DGKE: variants seen among roughly 807,000 people sequenced by gnomAD.
DGKE encodes DAG kinase epsilon.
A neutral mutation model predicts 70.0 loss-of-function variants in DGKE; 53 were observed. The ratio of observed to expected loss-of-function variants is 0.76; its 90% CI spans 0.61 to 0.95. The LOEUF (loss-of-function observed/expected upper bound fraction) is 0.95. Among genes scored for constraint, DGKE ranks in the 40% least tolerant of loss-of-function variants. The probability of loss-of-function intolerance (pLI) is 0.00; values close to 1 mark genes in which losing one functional copy is unlikely to be tolerated. For missense variants in DGKE, 655 were observed against 706.9 expected (o/e 0.93, Z 0.83); for synonymous variants, 291 against 257.0 (o/e 1.13, Z -1.27).
chr17:56,845,616 G>C (rs930920784), intron 3 of DGKE, 74 bp from the exon 4 acceptor site: 2 of 1,465,572 alleles, frequency 1.4e-6, no homozygotes, highest in Non-Finnish European at 1.8e-6. Context: ...TAGCACCATT[G>C]TTCTCAAGGC....
chr17:56,860,050 A>T (rs1201368475), intron 9 of DGKE, among the ~76,000 whole-genome samples: 1 of 152,210 alleles, frequency 6.6e-6, no homozygotes, highest in Non-Finnish European at 1.5e-5. Context: ...AGAGTAAAGC[A>T]TACAAGCATA....
chr17:56,854,253 T>C (rs1488737424), intron 7 of DGKE, among the ~76,000 whole-genome samples: 1 of 152,126 alleles, frequency 6.6e-6, no homozygotes, highest in East Asian at 1.9e-4. Flanking sequence ...CACAGCTTGG[T>C]GACTATAGTT....
At chr17:56,846,821 T>G (rs1407213119) in intron 4 of DGKE, among the ~76,000 whole-genome samples, 1 of 152,204 alleles carries the variant, frequency 6.6e-6, no homozygotes, top group East Asian at 1.9e-4. Context: ...TTTTTCTTGT[T>G]CTTTCCATTA....
chr17:56,858,653 T>G lies in DGKE; in HGVS notation c.1272T>G (p.Asn424Lys). The G allele has an allele frequency of 6.2e-7, 1 of 1,604,070 alleles. No individual in the cohort carries two copies. The highest frequency in any genetic ancestry group is 8.5e-7 in the Non-Finnish European group (1 of 1,176,272). The change falls in exon 9 of 12, where the codon AAT (asparagine) becomes AAG (lysine). Residue 424 changes from asparagine to lysine, a missense_variant. Physicochemically the swap from Asn to Lys is moderately conservative, Grantham distance 94 (BLOSUM62 0). Coordinates refer to ENST00000284061, the MANE Select transcript of DGKE (RefSeq NM_003647.3). Reference sequence around the variant, plus strand: ...TAGTGCAAGAATGTAAAGATTTGAATAAAAAAGTTGAGGTAAGCTATTAAC... The same window carrying G: ...TAGTGCAAGAATGTAAAGATTTGAAGAAAAAAGTTGAGGTAAGCTATTAAC... ...DCLVQECKDL[N>K]KKVELELDGE...
At chr17:56,857,491 A>T (rs1036823944) in intron 8 of DGKE, among the ~76,000 whole-genome samples, 1 of 152,204 alleles carries the variant, frequency 6.6e-6, no homozygotes, top group Non-Finnish European at 1.5e-5. Context: ...CCTAGCAATT[A>T]TATTCCTGGT....
In DGKE at chr17:56,862,264, T is replaced by C; in HGVS notation, c.1524+13T>C. On this transcript the variant is annotated intron_variant, in intron 11 of 11. Coordinates refer to ENST00000284061, the MANE Select transcript of DGKE (RefSeq NM_003647.3). ...ACATACAGTGAGGGTAGGTGAAATA[T>C]AGCTGTAACAGGCTAATTTGTCCCA... 4.4e-6 allele frequency: 7 copies of C among 1,602,586 alleles called. No homozygotes were observed. The highest frequency in any genetic ancestry group is 5.1e-6 in the Non-Finnish European group (6 of 1,169,874).
intron 6 of DGKE, 144 bp from the exon 7 acceptor site, chr17:56,849,037 G>C: frequency 8.8e-7 from 1 of 1,139,574 alleles, no homozygotes; most frequent in Non-Finnish European, 1.2e-6. Flanking sequence ...GTTACACTGA[G>C]TACTTATCCC....
chr17:56,849,098 A>G (rs890990679), intron 6 of DGKE, 83 bp from the exon 7 acceptor site: 1 of 1,397,068 alleles, frequency 7.2e-7, no homozygotes, highest in Non-Finnish European at 9.8e-7. Context: ...TGGTATTTTA[A>G]TAGAAAACCC....
intron 2 of DGKE, chr17:56,836,599 G>C (rs918505567): frequency 6.6e-6 from 1 of 152,102 alleles, no homozygotes; most frequent in East Asian, 1.9e-4. Context: ...TCATGCTTCT[G>C]ATCCTCCACC....
intron 7 of DGKE, among the ~76,000 whole-genome samples, chr17:56,852,000 C>G (rs1048885170): frequency 6.6e-6 from 1 of 151,868 alleles, no homozygotes; most frequent in African/African-American, 2.4e-5. Flanking sequence ...CCCAAGAGTT[C>G]AAGGCTGCGG....
At chr17:56,849,122 C>T (rs1907492237) in intron 6 of DGKE, 59 bp from the exon 7 acceptor site, 12 of 1,505,012 alleles carry the variant, frequency 8.0e-6, no homozygotes, top group Non-Finnish European at 1.1e-5. Flanking sequence ...TTTATCCAAA[C>T]ATCCAGAGTA....
At position 56,862,245 on chromosome 17, in the gene DGKE, A is replaced by G; in HGVS notation, c.1518A>G (p.Thr506=). 1 of 1,613,516 alleles carries G rather than the reference A, an allele frequency of 6.2e-7. No individual in the cohort carries two copies. The highest frequency in any genetic ancestry group is 8.5e-7 in the Non-Finnish European group (1 of 1,179,524). The change falls in exon 11 of 12, where the codon ACA becomes ACG. Residue 506 remains threonine, a synonymous_variant. Coordinates refer to ENST00000284061, the MANE Select transcript of DGKE (RefSeq NM_003647.3). ...ANPFRIGQAH[T]VRLILKCSMM... is the part of the protein sequence containing the mutation. ...CTTTTCGAATAGGACAGGCACATAC[A>G]GTGAGGGTAGGTGAAATATAGCTGT...
chr17:56,846,856 A>G (rs986163727), intron 4 of DGKE, among the ~76,000 whole-genome samples: 1 of 152,194 alleles, frequency 6.6e-6, no homozygotes, highest in Non-Finnish European at 1.5e-5. Flanking sequence ...TACTTTACAT[A>G]TTAACAGTAC....
chr17:56,838,156 T>A (rs1906744659), intron 2 of DGKE, among the ~76,000 whole-genome samples: 1 of 152,228 alleles, frequency 6.6e-6, no homozygotes, highest in Non-Finnish European at 1.5e-5. Context: ...ATTCATTACA[T>A]CTACCCCACG....
In DGKE at chr17:56,861,929, T is replaced by C. The variant is rs560592999; in HGVS notation, c.1412+11T>C. On this transcript the variant is annotated intron_variant, in intron 10 of 11. Coordinates refer to ENST00000284061, the MANE Select transcript of DGKE (RefSeq NM_003647.3). ...TTACCCTCTAGCCAGGTATGTACAT[T>C]TGTGGTCTGTTTTTTTATGTCACTA... 1.8e-5 allele frequency: 29 copies of C among 1,579,838 alleles called. No individual in the cohort carries two copies. In the South Asian group the frequency reaches 3.4e-4, roughly 19 times the overall value.
At chr17:56,858,516 T>G in intron 8 of DGKE, 78 bp from the exon 9 acceptor site, 5 of 1,217,262 alleles carry the variant, frequency 4.1e-6, no homozygotes, top group Non-Finnish European at 5.8e-6. Flanking sequence ...TAAAGGGAGC[T>G]TTGATACAGC....
intron 4 of DGKE, among the ~76,000 whole-genome samples, chr17:56,846,761 A>T (rs1017032586): frequency 5.3e-5 from 8 of 152,194 alleles, no homozygotes; most frequent in Non-Finnish European, 1.2e-4. Flanking sequence ...ATTATAAAAA[A>T]TACAGAGAAA....
intron 2 of DGKE, chr17:56,835,643 C>G: frequency 3.2e-6 from 1 of 308,430 alleles, no homozygotes; most frequent in East Asian, 5.5e-5. Context: ...CCTTCAGCCG[C>G]AAAACTGATG....
rs1908095595 is a variant in DGKE, at chr17:56,858,610, A to G, written c.1229A>G (p.Tyr410Cys). 1.1e-5 allele frequency: 17 copies of G among 1,607,710 alleles called. No individual in the cohort carries two copies. Among genetic ancestry groups the G allele is most frequent in the Non-Finnish European group, 1.4e-5 (16 of 1,177,590 alleles). Residue 410 changes from tyrosine (Y) to cysteine (C), a missense_variant, in exon 9 of 12, where the codon TAT (tyrosine) becomes TGT (cysteine). Physicochemically the swap from Tyr to Cys is radical, Grantham distance 194. Coordinates refer to ENST00000284061, the MANE Select transcript of DGKE (RefSeq NM_003647.3). The stretch of plus-strand genomic sequence containing the variant: ...TTTTCATAGGCGGTTTACTTATTCT[A>G]TGGAACCAAAGATTGTTTAGTGCAA... ...RILNKAVYLF[Y>C]GTKDCLVQEC...
Sources: gnomAD v4.1 joint callset for allele counts (sites outside exome capture counted in the v4.1 genomes callset) on GRCh38, gnomAD v4.1.1 for gene constraint, MANE v1.5 for transcripts, NCBI Gene and HGNC (gene_info 2026-07-23, HGNC 2026-07-21) for gene names.